SRPX: variants seen among roughly 807,000 people sequenced by gnomAD.
The protein encoded by SRPX is sushi repeat-containing protein SRPX.
In SRPX, 24 loss-of-function variants were observed where a neutral mutation model predicts 38.1. The observed-to-expected ratio is 0.63, with a 90% CI of 0.46 to 0.89. The LOEUF is 0.89. Among genes scored for constraint, SRPX ranks in the 40% least tolerant of loss-of-function variants. SRPX has a pLI of 0.00. For synonymous variants in SRPX, 184 were observed against 153.8 expected, an observed-to-expected ratio of 1.20 and a Z score of -1.45; for missense variants, 416 against 377.8, an observed-to-expected ratio of 1.10 and a Z score of -0.84.
At chrX:38,208,916 G>A (rs1939265270) in intron 1 of SRPX, among the ~76,000 whole-genome samples, 1 of 101,780 alleles carries the variant, frequency 9.8e-6, no homozygotes, top group African/African-American at 3.6e-5. Context: ...CAAACTCCTG[G>A]GCTCAAGAGA....
intron 1 of SRPX, among the ~76,000 whole-genome samples, chrX:38,203,113 G>A (rs1487615345): frequency 9.0e-6 from 1 of 111,656 alleles, no homozygotes. Context: ...TGGAAGCCTA[G>A]CTTAATATTC....
At chrX:38,209,136 C>G (rs1483040189) in intron 1 of SRPX, among the ~76,000 whole-genome samples, 1 of 110,045 alleles carries the variant, frequency 9.1e-6, no homozygotes, top group African/African-American at 3.3e-5. Context: ...ATATGTGTAG[C>G]ATTCAGACCA....
chrX:38,166,673 C>G (rs185435047), intron 4 of SRPX, among the ~76,000 whole-genome samples: 6 of 111,482 alleles, frequency 5.4e-5, no homozygotes, highest in Non-Finnish European at 1.1e-4. Context: ...TAATGACTGC[C>G]CCCTGCTGGT....
At chrX:38,210,513 T>C (rs757462815) in intron 1 of SRPX, among the ~76,000 whole-genome samples, 15 of 112,196 alleles carry the variant, frequency 1.3e-4, no homozygotes, top group Non-Finnish European at 2.3e-4. Flanking sequence ...TGGGCCATAC[T>C]ACATACCAAG....
At chrX:38,188,772 C>T (rs1417947588) in intron 1 of SRPX, among the ~76,000 whole-genome samples, 1 of 111,871 alleles carries the variant, frequency 8.9e-6, no homozygotes, top group African/African-American at 3.2e-5. Flanking sequence ...ATAGCATTCT[C>T]TTTCACACTC....
intron 3 of SRPX, among the ~76,000 whole-genome samples, chrX:38,172,602 G>A (rs1376976963): frequency 8.9e-6 from 1 of 112,666 alleles, no homozygotes; most frequent in Non-Finnish European, 1.9e-5. Flanking sequence ...TCTGAGATAC[G>A]GATTTATGTG....
intron 1 of SRPX, among the ~76,000 whole-genome samples, chrX:38,218,221 AT>A (rs1939451008): frequency 8.9e-6 from 1 of 112,530 alleles, no homozygotes; most frequent in Non-Finnish European, 1.9e-5. Flanking sequence ...CTTAGAGGCC[AT>A]GGTACTCATT....
chrX:38,220,580 C>G lies in SRPX; in HGVS notation c.97+116G>C, dbSNP rs182012422. ...ACCCTCGGGCTGCGAAAGAGGAGTTCTGCGCAAACAAAGGGCGCCCCCGGC... is the reference window on the plus strand; with the variant it reads ...ACCCTCGGGCTGCGAAAGAGGAGTTGTGCGCAAACAAAGGGCGCCCCCGGC... On this transcript the variant is annotated intron_variant, in intron 1 of 9. Transcript: ENST00000378533. 318 of 1,052,279 alleles carry G rather than the reference C, an allele frequency of 3.0e-4. No homozygotes were observed. The African/African-American group carries it at 4.7e-3, about 16-fold the overall frequency. 86.7% of individuals were successfully genotyped at this position (1,052,279 alleles called of 1,213,427 possible). A position where few individuals can be genotyped will look rare whatever the true frequency, so the allele number is the denominator to read the frequency against.
chrX:38,150,158 A>G (rs368228463), intron 9 of SRPX, among the ~76,000 whole-genome samples: 3 of 112,346 alleles, frequency 2.7e-5, no homozygotes, highest in African/African-American at 9.7e-5. Flanking sequence ...TCCCCAGATG[A>G]CTGGTATGTA....
rs772958306 is a variant in SRPX at position 38,161,004 on chromosome X, T to C, written c.704A>G (p.His235Arg). The C allele has an allele frequency of 3.1e-5, 37 of 1,208,811 alleles. 1 individual carries two copies. The South Asian group carries it at 5.8e-4, about 19-fold the overall frequency. Residue 235 changes from histidine to arginine, a missense_variant, in exon 6 of 10, where the codon CAC (histidine) becomes CGC (arginine). Physicochemically the swap from His to Arg is conservative, Grantham distance 29 (BLOSUM62 0). Coordinates refer to ENST00000378533, the MANE Select transcript of SRPX (RefSeq NM_006307.5). ...PPGSNFPEGD[H>R]KIQYTVYDRA... ...GTCATAGACTGTGTACTGGATCTTG[T>C]GGTCTCCTTCTGGAAAGTTGGAGCC... is the stretch of plus-strand genomic sequence containing the variant.
intron 4 of SRPX, among the ~76,000 whole-genome samples, chrX:38,165,728 C>T (rs1412928188): frequency 1.8e-5 from 2 of 112,133 alleles, no homozygotes; most frequent in African/African-American, 6.5e-5. Context: ...TGCTTAATAT[C>T]TTAAAATAGG....
At chrX:38,161,608 G>A (rs951976138) in intron 5 of SRPX, among the ~76,000 whole-genome samples, 1 of 111,680 alleles carries the variant, frequency 9.0e-6, no homozygotes, top group Admixed American at 9.5e-5. Context: ...ATGACAAAAA[G>A]TGTTCTTTGC....
chrX:38,187,788 A>T, intron 1 of SRPX, among the ~76,000 whole-genome samples: 1 of 112,152 alleles, frequency 8.9e-6, no homozygotes, highest in Non-Finnish European at 1.9e-5. Flanking sequence ...TCTCCTCCAT[A>T]GCTAAATCTG....
Position 38,156,965 on chromosome X carries a change from C to G in SRPX, c.1020G>C (p.Arg340Ser). 1.7e-6 allele frequency: 2 copies of G among 1,211,490 alleles called. No individual in the cohort carries two copies. Among genetic ancestry groups the G allele is most frequent in the Non-Finnish European group, 2.2e-6 (2 of 895,355 alleles). Residue 340 changes from arginine to serine, a missense_variant, in exon 8 of 10, where the codon AGG becomes AGC. Physicochemically the swap from Arg to Ser is moderately radical, Grantham distance 110. Transcript: ENST00000378533. ...AALLDQFYEK[R>S]RLLIVSTPTA... ...TGGGTGTGGACACAATGAGGAGTCT[C>G]CTTTTCTCATAAAACTGATCCAGAA...
chrX:38,188,127 G>A (rs999390124), intron 1 of SRPX, among the ~76,000 whole-genome samples: 1 of 111,499 alleles, frequency 9.0e-6, no homozygotes, highest in Non-Finnish European at 1.9e-5. Flanking sequence ...AGATAAAAGC[G>A]CAAGAGTAAG....
chrX:38,191,541 G>C (rs868560252), intron 1 of SRPX, among the ~76,000 whole-genome samples: 1 of 105,247 alleles, frequency 9.5e-6, no homozygotes, highest in Non-Finnish European at 2.0e-5. Flanking sequence ...ATTATACACA[G>C]ACACACACAC....
chrX:38,212,983 G>T (rs759100335), intron 1 of SRPX, among the ~76,000 whole-genome samples: 6 of 112,314 alleles, frequency 5.3e-5, no homozygotes, highest in Admixed American at 9.4e-5. Flanking sequence ...TCACCCAAAG[G>T]TGCTTTATGC....
chrX:38,181,435 G>C (rs992336679), intron 1 of SRPX, among the ~76,000 whole-genome samples: 10 of 112,296 alleles, frequency 8.9e-5, no homozygotes, highest in African/African-American at 3.2e-4. Context: ...CAAAGGGAAG[G>C]AACTCTTTTC....
intron 1 of SRPX, among the ~76,000 whole-genome samples, chrX:38,218,531 T>C: frequency 8.9e-6 from 1 of 112,163 alleles, no homozygotes; most frequent in African/African-American, 3.2e-5. Context: ...TGAGAATGAT[T>C]TACTCTCACT....
Sources: allele counts gnomAD v4.1 joint callset (sites outside exome capture counted in the v4.1 genomes callset), GRCh38; gene constraint gnomAD v4.1.1; transcripts MANE v1.5; gene names NCBI Gene and HGNC (gene_info 2026-07-23, HGNC 2026-07-21).